EPHA6: variants seen among roughly 807,000 people sequenced by gnomAD.
EPHA6 encodes EPH receptor A6, also known as ephrin type-A receptor 6.
EPHA6 carries 50 observed loss-of-function variants against 112.0 expected under a neutral mutation model. The observed-to-expected ratio is 0.45, with a 90% CI of 0.36 to 0.56. The LOEUF (loss-of-function observed/expected upper bound fraction) is 0.56, where lower values mean the gene tolerates loss of function less well. Among genes scored for constraint, EPHA6 ranks in the 20% least tolerant of loss-of-function variants. The probability of loss-of-function intolerance (pLI) is 0.00; values close to 1 mark genes in which losing one functional copy is unlikely to be tolerated. For synonymous variants in EPHA6, 529 were observed against 490.7 expected, an observed-to-expected ratio of 1.08 and a Z score of -1.03; for missense variants, 1,280 against 1,417.4, an observed-to-expected ratio of 0.90 and a Z score of 1.56.
intron 11 of EPHA6, chr3:97,590,153 T>C (rs922739132): frequency 2.6e-5 from 4 of 152,168 alleles, no homozygotes; most frequent in Non-Finnish European, 4.4e-5. Flanking sequence ...TATCACGTAA[T>C]ATCTCACCTG....
intron 5 of EPHA6, among the ~76,000 whole-genome samples, chr3:97,309,965 T>A (rs371667356): frequency 6.6e-6 from 1 of 151,734 alleles, no homozygotes; most frequent in African/African-American, 2.4e-5. Context: ...TATCAAATAA[T>A]AACTAACAAT....
intron 5 of EPHA6, among the ~76,000 whole-genome samples, chr3:97,368,120 C>G (rs910687299): frequency 6.6e-6 from 1 of 152,126 alleles, no homozygotes; most frequent in Admixed American, 6.5e-5. Context: ...ATATTGCAAG[C>G]CTTTCCCTAA....
chr3:97,239,338 A>G (rs944651125), intron 4 of EPHA6, among the ~76,000 whole-genome samples: 18 of 151,828 alleles, frequency 1.2e-4, no homozygotes, highest in African/African-American at 3.1e-4. Context: ...AAAAAAAACT[A>G]TATAAAAATA....
chr3:97,517,194 A>T (rs1229450870), intron 10 of EPHA6, among the ~76,000 whole-genome samples: 1 of 152,154 alleles, frequency 6.6e-6, no homozygotes, highest in Non-Finnish European at 1.5e-5. Flanking sequence ...AAGTATATTA[A>T]TACTCTCAAG....
intron 1 of EPHA6, among the ~76,000 whole-genome samples, chr3:96,838,761 A>G: frequency 6.6e-6 from 1 of 152,144 alleles, no homozygotes; most frequent in East Asian, 1.9e-4. Flanking sequence ...GTTCTAAATA[A>G]CAACATAAAG....
chr3:97,219,613 G>T (rs1020705665), intron 3 of EPHA6, among the ~76,000 whole-genome samples: 2 of 152,172 alleles, frequency 1.3e-5, no homozygotes. Context: ...GCACAGAGCA[G>T]CTGGGCCCTG....
At chr3:96,977,126 A>C (rs1051469273) in intron 2 of EPHA6, among the ~76,000 whole-genome samples, 1 of 152,278 alleles carries the variant, frequency 6.6e-6, no homozygotes, top group East Asian at 1.9e-4. Context: ...TAGGAGTCCA[A>C]GTATTTTAAA....
chr3:97,653,511 T>A (rs928427747), intron 14 of EPHA6, among the ~76,000 whole-genome samples: 1 of 151,868 alleles, frequency 6.6e-6, no homozygotes, highest in African/African-American at 2.4e-5. Context: ...TAGCAAGTGG[T>A]GGTGAAGATA....
chr3:97,364,593 C>G (rs1440779604), intron 5 of EPHA6, among the ~76,000 whole-genome samples: 1 of 151,858 alleles, frequency 6.6e-6, no homozygotes, highest in Non-Finnish European at 1.5e-5. Flanking sequence ...AATATAAAAA[C>G]ATAATTTATT....
intron 15 of EPHA6, among the ~76,000 whole-genome samples, chr3:97,728,138 T>A (rs2034863768): frequency 6.6e-6 from 1 of 152,056 alleles, no homozygotes; most frequent in Non-Finnish European, 1.5e-5. Context: ...CAAATTCCCT[T>A]TTTCTTTGTA....
At chr3:97,720,732 C>T (rs1289044435) in intron 15 of EPHA6, among the ~76,000 whole-genome samples, 1 of 152,168 alleles carries the variant, frequency 6.6e-6, no homozygotes. Flanking sequence ...GTAATGTTTA[C>T]TTTTCGTTTC....
intron 11 of EPHA6, among the ~76,000 whole-genome samples, chr3:97,573,966 A>T (rs961358774): frequency 1.3e-5 from 2 of 152,038 alleles, no homozygotes; most frequent in South Asian, 4.1e-4. Flanking sequence ...CAGGATGTTC[A>T]GGCTCCTCCC....
At chr3:96,929,599 C>T (rs546966702) in intron 2 of EPHA6, among the ~76,000 whole-genome samples, 34 of 152,306 alleles carry the variant, frequency 2.2e-4, no homozygotes, top group African/African-American at 6.7e-4. Flanking sequence ...GTCTGCCGTT[C>T]GTCTGTTGGG....
intron 4 of EPHA6, 68 bp from the exon 5 acceptor site, chr3:97,243,883 GT>G: frequency 8.4e-7 from 1 of 1,187,692 alleles, no homozygotes; most frequent in Admixed American, 2.7e-5. Flanking sequence ...TATTGATGAA[GT>G]TTTCATTTTA....
At chr3:97,511,318 C>T (rs1017450570) in intron 10 of EPHA6, among the ~76,000 whole-genome samples, 6 of 152,130 alleles carry the variant, frequency 3.9e-5, no homozygotes, top group African/African-American at 1.2e-4. Context: ...GTGTATGCAC[C>T]CAAGGGAATC....
At chr3:97,001,472 C>G (rs904600720) in intron 3 of EPHA6, among the ~76,000 whole-genome samples, 1 of 151,800 alleles carries the variant, frequency 6.6e-6, no homozygotes, top group African/African-American at 2.4e-5. Context: ...TTCATGTGGC[C>G]TTTTTAGGAA....
intron 3 of EPHA6, among the ~76,000 whole-genome samples, chr3:97,005,251 T>C (rs1326231759): frequency 6.6e-6 from 1 of 152,216 alleles, no homozygotes; most frequent in Admixed American, 6.5e-5. Context: ...TCCATGAGGA[T>C]GGAATGTTTT....
intron 2 of EPHA6, among the ~76,000 whole-genome samples, chr3:96,892,146 C>G (rs1376889613): frequency 6.6e-6 from 1 of 152,064 alleles, no homozygotes; most frequent in Non-Finnish European, 1.5e-5. Flanking sequence ...AGAGAGATAC[C>G]ACATCATAGG....
intron 2 of EPHA6, among the ~76,000 whole-genome samples, chr3:96,885,442 G>C (rs1212433213): frequency 1.3e-5 from 2 of 152,002 alleles, no homozygotes; most frequent in African/African-American, 4.8e-5. Context: ...AATTCTTCCT[G>C]ATTTAAGCTA....
Sources: allele counts gnomAD v4.1 joint callset (sites outside exome capture counted in the v4.1 genomes callset), GRCh38; gene constraint gnomAD v4.1.1; transcripts MANE v1.5; gene names NCBI Gene and HGNC (gene_info 2026-07-23, HGNC 2026-07-21).